Variants in ANKS6 observed in about 807,000 individuals in gnomAD.
The protein encoded by ANKS6 is ankyrin repeat and SAM domain-containing protein 6.
A neutral mutation model predicts 77.9 loss-of-function variants in ANKS6; 47 were observed. The ratio of observed to expected loss-of-function variants is 0.60; its 90% CI spans 0.48 to 0.77. The LOEUF (loss-of-function observed/expected upper bound fraction) is 0.77, where lower values mean the gene tolerates loss of function less well. Among genes scored for constraint, ANKS6 ranks in the 30% least tolerant of loss-of-function variants. The pLI is 0.00. For synonymous variants in ANKS6, 488 were observed against 501.7 expected (o/e 0.97, Z 0.37); for missense variants, 1,150 against 1,159.1 (o/e 0.99, Z 0.11).
At chr9:98,760,910 G>GT (rs1205930909) in intron 11 of ANKS6, among the ~76,000 whole-genome samples, 3 of 152,150 alleles carry the variant, frequency 2.0e-5, no homozygotes, top group Non-Finnish European at 4.4e-5. Flanking sequence ...CCACCTAGTA[G>GT]TCAGTTAGCT....
chr9:98,774,931 T>C (rs542470660), intron 8 of ANKS6, among the ~76,000 whole-genome samples: 1 of 152,320 alleles, frequency 6.6e-6, no homozygotes, highest in South Asian at 2.1e-4. Flanking sequence ...TGGCTGCACA[T>C]GCCCATCAGC....
intron 2 of ANKS6, among the ~76,000 whole-genome samples, chr9:98,786,542 C>T (rs1229863778): frequency 3.3e-5 from 5 of 151,820 alleles, no homozygotes; most frequent in South Asian, 2.1e-4. Flanking sequence ...CACCCACCTC[C>T]GCCTCCCAAA....
intron 11 of ANKS6, among the ~76,000 whole-genome samples, chr9:98,765,682 T>C (rs778749045): frequency 3.3e-5 from 5 of 152,196 alleles, no homozygotes; most frequent in South Asian, 2.1e-4. Flanking sequence ...ATATATCTAG[T>C]AGGCCTTTAG....
Position 98,735,285 on chromosome 9 carries a change from T to C in ANKS6, c.*1234A>G. On this transcript the variant is annotated 3_prime_UTR_variant, in exon 15 of 15. Transcript: ENST00000353234. Reference sequence around the variant, plus strand: ...CCTCTCAATGTCGGGACCATCTATTTACAGGTGTTCTCTTGCCTGTCGAGA... The same window carrying C: ...CCTCTCAATGTCGGGACCATCTATTCACAGGTGTTCTCTTGCCTGTCGAGA... 1 of 994,156 alleles carries C rather than the reference T, an allele frequency of 1.0e-6. No individual in the cohort carries two copies. Among genetic ancestry groups the C allele is most frequent in the Non-Finnish European group, 1.2e-6 (1 of 835,954 alleles). The allele number at this position is 994,156 out of a possible 1,614,324, so 61.6% of individuals were successfully genotyped here.
rs5899358 is a variant in ANKS6, at chr9:98,784,438, CAGA to C, written c.908-284_908-282del. ...AACGGATGAAGGAGACAGAAGAAGA[CAGA>C]AGGAGAGTTCAGGTCTCGCTGCGGG... On this transcript the variant is annotated intron_variant, in intron 3 of 14. Transcript: ENST00000353234. The C allele has an allele frequency of 0.58, 238,025 of 412,242 alleles. 71,040 individuals carry two copies. The highest frequency in any genetic ancestry group is 0.63 in the Non-Finnish European group (145,881 of 233,098). The allele number at this position is 412,242 out of a possible 1,614,324, so 25.5% of individuals were successfully genotyped here.
In ANKS6 at chr9:98,793,818, C is replaced by T. The variant is rs1421000080; in HGVS notation, c.359+2315G>A. 3.4e-4 allele frequency among the ~76,000 whole-genome samples: 51 copies of T among 149,122 alleles called. 2 individuals are homozygous for T. The highest frequency in any genetic ancestry group is 3.0e-5 in the Non-Finnish European group (2 of 67,290). ...AAAGTGCTGGGATTACAGGCGTGAGCCACCGCACCTGGCCAAAGGTTACCT... is the reference window on the plus strand; with the variant it reads ...AAAGTGCTGGGATTACAGGCGTGAGTCACCGCACCTGGCCAAAGGTTACCT... On this transcript the variant is annotated intron_variant, in intron 1 of 14. Coordinates refer to ENST00000353234, the MANE Select transcript of ANKS6 (RefSeq NM_173551.5).
intron 5 of ANKS6, among the ~76,000 whole-genome samples, chr9:98,781,977 G>A (rs1294164717): frequency 1.3e-5 from 2 of 152,132 alleles, no homozygotes; most frequent in Non-Finnish European, 2.9e-5. Flanking sequence ...GGAGTAGCAG[G>A]TACCAGCCGA....
chr9:98,738,311 A>G (rs895362469), intron 14 of ANKS6, among the ~76,000 whole-genome samples: 1 of 152,088 alleles, frequency 6.6e-6, no homozygotes, highest in South Asian at 2.1e-4. Flanking sequence ...ACAGAGTGGG[A>G]AAAAAAATCT....
At chr9:98,754,642 A>G (rs1564187181) in intron 12 of ANKS6, among the ~76,000 whole-genome samples, 1 of 140,444 alleles carries the variant, frequency 7.1e-6, no homozygotes, top group Non-Finnish European at 1.5e-5. Flanking sequence ...CCTCCGTCTC[A>G]AAAAAAAAAA....
At chr9:98,770,333 CG>C (rs1833550406) in intron 10 of ANKS6, among the ~76,000 whole-genome samples, 1 of 152,124 alleles carries the variant, frequency 6.6e-6, no homozygotes, top group South Asian at 2.1e-4. Flanking sequence ...TACCCAGTCT[CG>C]GGTATGTCTT....
At chr9:98,776,094 C>T (rs1833904200) in intron 8 of ANKS6, among the ~76,000 whole-genome samples, 1 of 152,176 alleles carries the variant, frequency 6.6e-6, no homozygotes, top group African/African-American at 2.4e-5. Context: ...AACCACTAAG[C>T]TCTCATGTCA....
At chr9:98,768,858 A>C (rs1833459604) in intron 10 of ANKS6, among the ~76,000 whole-genome samples, 1 of 152,216 alleles carries the variant, frequency 6.6e-6, no homozygotes, top group Non-Finnish European at 1.5e-5. Context: ...GGCCGGGTGC[A>C]GTGGCTCACG....
At chr9:98,770,285 G>C (rs1833546922) in intron 10 of ANKS6, among the ~76,000 whole-genome samples, 1 of 152,132 alleles carries the variant, frequency 6.6e-6, no homozygotes, top group Non-Finnish European at 1.5e-5. Context: ...TCAGCCTGTG[G>C]AATTGTGAGT....
intron 11 of ANKS6, among the ~76,000 whole-genome samples, chr9:98,758,155 CTATT>C (rs1025475246): frequency 6.6e-6 from 1 of 151,860 alleles, no homozygotes; most frequent in African/African-American, 2.4e-5. Flanking sequence ...TCTTTCTCTC[CTATT>C]TATTTGCTCA....
intron 11 of ANKS6, among the ~76,000 whole-genome samples, chr9:98,767,848 T>C (rs2118009339): frequency 6.6e-6 from 1 of 152,334 alleles, no homozygotes; most frequent in Non-Finnish European, 1.5e-5. Flanking sequence ...GTGTGTACCC[T>C]GCCACTGTGC....
chr9:98,775,906 T>C (rs1833895235), intron 8 of ANKS6, among the ~76,000 whole-genome samples: 1 of 152,206 alleles, frequency 6.6e-6, no homozygotes, highest in African/African-American at 2.4e-5. Context: ...AATTTACACC[T>C]GTTGGGGTGG....
At position 98,773,687 on chromosome 9, in the gene ANKS6, C is replaced by T. The variant is rs140477565; in HGVS notation, c.1821+190G>A. On this transcript the variant is annotated intron_variant, in intron 9 of 14. Transcript: ENST00000353234. ...GGACAGATGTTCCCTGCTACCTCAA[C>T]ATTTTAATCTATTTTCCATACTGAG... 5.2e-3 allele frequency among the ~76,000 whole-genome samples: 799 copies of T among 152,266 alleles called. 7 individuals carry two copies. The highest frequency in any genetic ancestry group is 0.018 in the African/African-American group (748 of 41,556).
intron 1 of ANKS6, among the ~76,000 whole-genome samples, chr9:98,792,667 C>T (rs1047534297): frequency 3.3e-5 from 5 of 152,058 alleles, no homozygotes; most frequent in South Asian, 2.1e-4. Context: ...TTACAAGGTG[C>T]GTCACATTTT....
At chr9:98,743,816 C>T (rs867873590) in intron 14 of ANKS6, among the ~76,000 whole-genome samples, 4 of 152,206 alleles carry the variant, frequency 2.6e-5, no homozygotes, top group African/African-American at 9.7e-5. Flanking sequence ...GGTCAATACC[C>T]GCATGGTGCC....
Sources: gnomAD v4.1 joint callset for allele counts (sites outside exome capture counted in the v4.1 genomes callset) on GRCh38, gnomAD v4.1.1 for gene constraint, MANE v1.5 for transcripts, NCBI Gene and HGNC (gene_info 2026-07-23, HGNC 2026-07-21) for gene names.